MTX3: variants seen among roughly 807,000 people sequenced by gnomAD.
MTX3 encodes metaxin-3.
In MTX3, 27 loss-of-function variants were observed where a neutral mutation model predicts 42.5. The observed-to-expected ratio is 0.64, with a 90% CI of 0.47 to 0.88. MTX3 has a LOEUF of 0.88. Ranked by LOEUF, MTX3 falls within the 40% of genes least tolerant of loss-of-function variation. MTX3 has a pLI of 0.00. For synonymous variants in MTX3, 144 were observed against 132.9 expected, an observed-to-expected ratio of 1.08 and a Z score of -0.57; for missense variants, 378 against 367.0, an observed-to-expected ratio of 1.03 and a Z score of -0.25.
At chr5:79,991,072 A>C in intron 1 of MTX3, 86 bp downstream of exon 1, 9 of 1,325,912 alleles carry the variant, frequency 6.8e-6, no homozygotes, top group Non-Finnish European at 9.5e-6. Context: ...TGGACCCCGC[A>C]GCGCAGCGGG....
In MTX3 at chr5:79,981,271, C is replaced by T. The variant is rs962410483; in HGVS notation, c.*2413G>A. On this transcript the variant is annotated 3_prime_UTR_variant, in exon 9 of 9. Coordinates refer to ENST00000512528, the MANE Select transcript of MTX3 (RefSeq NM_001363818.2). Reference sequence around the variant, plus strand: ...TTACAGCTTCCTGTCATCTCATTTACTTATACATAAATAGCTCAACTAAGT... The same window carrying T: ...TTACAGCTTCCTGTCATCTCATTTATTTATACATAAATAGCTCAACTAAGT... 1.1e-4 allele frequency: 17 copies of T among 152,152 alleles called. No homozygotes were observed. Among genetic ancestry groups the T allele is most frequent in the Non-Finnish European group, 2.1e-4 (14 of 68,030 alleles). The allele number at this position is 152,152 out of a possible 1,614,324, so 9.4% of individuals were successfully genotyped here.
Position 79,983,632 on chromosome 5 carries a change from T to G in MTX3, c.*52A>C. 2.3e-6 allele frequency: 3 copies of G among 1,316,658 alleles called. No individual in the cohort carries two copies. In the East Asian group the frequency reaches 6.9e-5, roughly 30 times the overall value. The allele number at this position is 1,316,658 out of a possible 1,614,324, so 81.6% of individuals were successfully genotyped here. On this transcript the variant is annotated 3_prime_UTR_variant, in exon 9 of 9. Transcript: ENST00000512528. Reference sequence around the variant, plus strand: ...TCTTTTTGCCTTCACACACTTGGTGTAAGAGATTACTGCAACAATCGTTTG... The same window carrying G: ...TCTTTTTGCCTTCACACACTTGGTGGAAGAGATTACTGCAACAATCGTTTG...
At chr5:79,985,128 C>T (rs921750759) in intron 8 of MTX3, among the ~76,000 whole-genome samples, 1 of 152,034 alleles carries the variant, frequency 6.6e-6, no homozygotes, top group African/African-American at 2.4e-5. Context: ...ACTACAGGCG[C>T]CCGCCACCAT....
chr5:79,983,483 CTCTT>C lies in MTX3; in HGVS notation c.*197_*200del. ...CCCCCAACCAAGTTCATTTAGCATT[CTCTT>C]TGTTATTAAAAATGCAGTGCCAAGC... On this transcript the variant is annotated 3_prime_UTR_variant, in exon 9 of 9. Transcript: ENST00000512528. 2.5e-6 allele frequency: 1 copy of C among 398,696 alleles called. No homozygotes were observed. The highest frequency in any genetic ancestry group is 4.4e-6 in the Non-Finnish European group (1 of 226,890). The allele number at this position is 398,696 out of a possible 1,614,324, so 24.7% of individuals were successfully genotyped here.
chr5:79,988,183 T>C, intron 6 of MTX3, 56 bp downstream of exon 6: 1 of 968,356 alleles, frequency 1.0e-6, no homozygotes, highest in African/African-American at 1.6e-5. Flanking sequence ...TTTAAATAGC[T>C]GCTCACTGAA....
At position 79,987,051 on chromosome 5, in the gene MTX3, C is replaced by G. The variant is rs186130359; in HGVS notation, c.638G>C (p.Arg213Pro). The change falls in exon 7 of 9, where the codon CGG (arginine) becomes CCG (proline). Residue 213 changes from arginine (R) to proline (P), a missense_variant. By Grantham distance (103) the Arg-to-Pro change is moderately radical (BLOSUM62 -2). Transcript: ENST00000512528. ...FGFLAPLYKV[R>P]FPKVQLQEHL... is the part of the protein sequence containing the mutation. ...TTCTTGTAGCTGAACTTTAGGAAAC[C>G]GTACTTTGTAAAGAGGTGCAAGAAA... is the stretch of plus-strand genomic sequence containing the variant. 148 of 1,613,842 alleles carry G rather than the reference C, an allele frequency of 9.2e-5. 1 individual carries two copies. The Admixed American group carries it at 2.4e-3, about 26-fold the overall frequency.
chr5:79,987,118 A>AT lies in MTX3; in HGVS notation c.582-12dup. On this transcript the variant is annotated splice_polypyrimidine_tract_variant and intron_variant, in intron 6 of 8. Coordinates refer to ENST00000512528, the MANE Select transcript of MTX3 (RefSeq NM_001363818.2). ...TCCAAGGTAGAAGGCCTAGAAATAA[A>AT]TTAAGGATTTTTAAAGCACATAAGA... is the stretch of plus-strand genomic sequence containing the variant. 1 of 1,612,384 alleles carries AT rather than the reference A, an allele frequency of 6.2e-7. No individual in the cohort carries two copies. The highest frequency in any genetic ancestry group is 8.5e-7 in the Non-Finnish European group (1 of 1,179,244).
At chr5:79,983,832 T>C (rs745641093) in intron 8 of MTX3, 38 bp from the exon 9 acceptor site, 13 of 1,397,602 alleles carry the variant, frequency 9.3e-6, no homozygotes, top group Middle Eastern at 1.8e-4. Flanking sequence ...ACTAATGCTG[T>C]GGCACCGCTT....
chr5:79,987,371 C>T (rs1306295525), intron 6 of MTX3, among the ~76,000 whole-genome samples: 3 of 142,188 alleles, frequency 2.1e-5, no homozygotes, highest in Non-Finnish European at 4.5e-5. Context: ...ACCCAGGAGG[C>T]GGAGGTTGCA....
rs1831277450 is a variant in MTX3 at position 79,977,551 on chromosome 5, A to G, written c.*6133T>C. 6.6e-6 allele frequency: 1 copy of G among 152,238 alleles called. No homozygotes were observed. The highest frequency in any genetic ancestry group is 1.5e-5 in the Non-Finnish European group (1 of 68,036). 9.4% of individuals were successfully genotyped at this position (152,238 alleles called of 1,614,324 possible). A position where few individuals can be genotyped will look rare whatever the true frequency, so the allele number is the denominator to read the frequency against. On this transcript the variant is annotated 3_prime_UTR_variant, in exon 9 of 9. Coordinates refer to ENST00000512528, the MANE Select transcript of MTX3 (RefSeq NM_001363818.2). ...AATACACATTCAAAATGGTGTTCCA[A>G]ATAATCCAATTGTATACATTGCAAA...
At chr5:79,984,575 C>T (rs544464650) in intron 8 of MTX3, among the ~76,000 whole-genome samples, 6 of 151,604 alleles carry the variant, frequency 4.0e-5, no homozygotes, top group Admixed American at 1.3e-4. Context: ...CATCAGGCCT[C>T]ATTGCCCTAT....
chr5:79,989,514 C>T, intron 3 of MTX3, among the ~76,000 whole-genome samples: 1 of 152,258 alleles, frequency 6.6e-6, no homozygotes, highest in Non-Finnish European at 1.5e-5. Flanking sequence ...CAGTGCATGG[C>T]ATGTAGTACA....
In MTX3 at chr5:79,981,240, G is replaced by A. The variant is rs1372676506; in HGVS notation, c.*2444C>T. The A allele has an allele frequency of 6.6e-6, 1 of 151,736 alleles. No homozygotes were observed. The highest frequency in any genetic ancestry group is 1.5e-5 in the Non-Finnish European group (1 of 67,978). The allele number at this position is 151,736 out of a possible 1,614,324, so 9.4% of individuals were successfully genotyped here. On this transcript the variant is annotated 3_prime_UTR_variant, in exon 9 of 9. Coordinates refer to ENST00000512528, the MANE Select transcript of MTX3 (RefSeq NM_001363818.2). ...GTGGCTGCTCCCTAAAGTACTTTGT[G>A]CTCAGTTACAGCTTCCTGTCATCTC...
Position 79,981,213 on chromosome 5 carries a change from G to A in MTX3, c.*2471C>T, listed in dbSNP as rs1037337765. On this transcript the variant is annotated 3_prime_UTR_variant, in exon 9 of 9. Coordinates refer to ENST00000512528, the MANE Select transcript of MTX3 (RefSeq NM_001363818.2). ...GTTCTTTTCTAAGAGCTTCCTGTAT[G>A]TGTGGCTGCTCCCTAAAGTACTTTG... 4.0e-5 allele frequency: 6 copies of A among 151,612 alleles called. No individual in the cohort carries two copies. The highest frequency in any genetic ancestry group is 1.5e-4 in the African/African-American group (6 of 41,274). The allele number at this position is 151,612 out of a possible 1,614,324, so 9.4% of individuals were successfully genotyped here.
chr5:79,984,329 T>G (rs1179761399), intron 8 of MTX3, among the ~76,000 whole-genome samples: 2 of 152,196 alleles, frequency 1.3e-5, no homozygotes, highest in African/African-American at 4.8e-5. Context: ...ACTATTATTC[T>G]TTCAACTATA....
At chr5:79,984,578 T>C (rs1452651562) in intron 8 of MTX3, among the ~76,000 whole-genome samples, 1 of 151,804 alleles carries the variant, frequency 6.6e-6, no homozygotes, top group Non-Finnish European at 1.5e-5. Flanking sequence ...CAGGCCTCAT[T>C]GCCCTATGAG....
Position 79,991,138 on chromosome 5 carries a change from G to T in MTX3, c.81+20C>A. Reference sequence around the variant, plus strand: ...GCCCCGCCCCTTCCTCCTGCGCCCTGGCCCGCGAGGCGGCCTCACCATCAC... The same window carrying T: ...GCCCCGCCCCTTCCTCCTGCGCCCTTGCCCGCGAGGCGGCCTCACCATCAC... On this transcript the variant is annotated intron_variant, in intron 1 of 8. Transcript: ENST00000512528. 1.3e-6 allele frequency: 2 copies of T among 1,545,322 alleles called. No homozygotes were observed. The highest frequency in any genetic ancestry group is 8.7e-7 in the Non-Finnish European group (1 of 1,143,354).
chr5:79,983,520 C>A lies in MTX3; in HGVS notation c.*164G>T. The A allele has an allele frequency of 1.7e-6, 1 of 594,342 alleles. No homozygotes were observed. The highest frequency in any genetic ancestry group is 3.0e-5 in the East Asian group (1 of 33,334). 36.8% of individuals were successfully genotyped at this position (594,342 alleles called of 1,614,324 possible). On this transcript the variant is annotated 3_prime_UTR_variant, in exon 9 of 9. Coordinates refer to ENST00000512528, the MANE Select transcript of MTX3 (RefSeq NM_001363818.2). ...AAAAATGCAGTGCCAAGCTAGAATA[C>A]AAGCTTCCTAATAATAATAGTAAAA...
chr5:79,991,117 C>T (rs1413209049), intron 1 of MTX3, 41 bp downstream of exon 1: 3 of 1,533,534 alleles, frequency 2.0e-6, no homozygotes, highest in African/African-American at 2.7e-5. Context: ...CCTCCAGCCC[C>T]GCCCCTTCCT....
Sources: allele counts gnomAD v4.1 joint callset (sites outside exome capture counted in the v4.1 genomes callset), GRCh38; gene constraint gnomAD v4.1.1; transcripts MANE v1.5; gene names NCBI Gene and HGNC (gene_info 2026-07-23, HGNC 2026-07-21).